HLA-DPB1: variants seen among roughly 807,000 people sequenced by gnomAD.
The protein encoded by HLA-DPB1 is HLA class II histocompatibility antigen, DP beta 1 chain.
Under a neutral mutation model 29.4 loss-of-function variants are expected in HLA-DPB1, and 30 were observed. The observed-to-expected ratio is 1.02, with a 90% CI of 0.76 to 1.38. HLA-DPB1 has a LOEUF of 1.38. Among genes scored for constraint, HLA-DPB1 ranks in the 40% most tolerant of loss-of-function variants. The pLI, the probability that HLA-DPB1 is intolerant of heterozygous loss-of-function variation, is 0.00. For synonymous variants in HLA-DPB1, 114 were observed against 134.0 expected, an observed-to-expected ratio of 0.85 and a Z score of 1.03; for missense variants, 261 against 327.5, an observed-to-expected ratio of 0.80 and a Z score of 1.57.
In HLA-DPB1 at chr6:33,085,159, C is replaced by T. The variant is rs778011110; in HGVS notation, c.574C>T (p.Pro192Ser). Residue 192 changes from proline to serine, a missense_variant, in exon 3 of 6, where the codon CCC becomes TCC. Physicochemically the swap from Pro to Ser is moderately conservative, Grantham distance 74. Transcript: ENST00000418931. Reference sequence around the variant, plus strand: ...GATCCTGGTGATGCTGGAAATGACCCCCCAGCAGGGAGATGTCTACACCTG... The same window carrying T: ...GATCCTGGTGATGCTGGAAATGACCTCCCAGCAGGGAGATGTCTACACCTG... ...FQILVMLEMT[P>S]QQGDVYTCQV... 1.2e-6 allele frequency: 2 copies of T among 1,613,398 alleles called. No individual in the cohort carries two copies. Among genetic ancestry groups the T allele is most frequent in the Non-Finnish European group, 1.7e-6 (2 of 1,179,568 alleles).
intron 1 of HLA-DPB1, among the ~76,000 whole-genome samples, 181 bp downstream of exon 1, chr6:33,076,322 C>T (rs1296863888): frequency 6.6e-6 from 1 of 152,222 alleles, no homozygotes; most frequent in African/African-American, 2.4e-5. Flanking sequence ...ACCCTACTGG[C>T]CTATTCTCTC....
At chr6:33,086,159 C>T in intron 4 of HLA-DPB1, 60 bp from the exon 5 acceptor site, 2 of 1,392,234 alleles carry the variant, frequency 1.4e-6, no homozygotes, top group Admixed American at 3.3e-5. Flanking sequence ...GGAAATGTTT[C>T]TCTAATTATC....
At chr6:33,077,587 A>T (rs908653077) in intron 1 of HLA-DPB1, among the ~76,000 whole-genome samples, 5 of 152,328 alleles carry the variant, frequency 3.3e-5, no homozygotes, top group Admixed American at 6.5e-5. Context: ...AGAAATAGGA[A>T]CACTTTTACT....
At position 33,080,685 on chromosome 6, in the gene HLA-DPB1, C is replaced by A. The variant is rs1762793706; in HGVS notation, c.114C>A (p.Phe38Leu). ...QGRATPENYL[F>L]QGRQECYAFN... ...CCCTCCCCGCAGAGAATTACCTTTT[C>A]CAGGGACGGCAGGAATGCTACGCGT... The change falls in exon 2 of 6, where the codon TTC becomes TTA. Residue 38 changes from phenylalanine (F) to leucine (L), a missense_variant. Coordinates refer to ENST00000418931, the MANE Select transcript of HLA-DPB1 (RefSeq NM_002121.6). The surrounding 1 kb of genome is among the most constrained non-coding windows in gnomAD (Gnocchi z 4.3). 1.9e-6 allele frequency: 3 copies of A among 1,612,510 alleles called. No homozygotes were observed. In the African/African-American group the frequency reaches 4.0e-5, roughly 22 times the overall value.
At chr6:33,083,027 G>A (rs1762943459) in intron 2 of HLA-DPB1, among the ~76,000 whole-genome samples, 1 of 152,210 alleles carries the variant, frequency 6.6e-6, no homozygotes, top group Non-Finnish European at 1.5e-5. Context: ...ATGGTTCCCA[G>A]AAGCTCTATG....
rs1276007057 is a variant in HLA-DPB1 at position 33,088,548 on chromosome 6, G to A, written c.*2014G>A. The stretch of plus-strand genomic sequence containing the variant: ...CATATGCAGGTGTTTATGAAACTCT[G>A]GGATTTCTAAGGAAGGATGCAGTGC... On this transcript the variant is annotated 3_prime_UTR_variant, in exon 6 of 6. Transcript: ENST00000418931. 6.6e-6 allele frequency among the ~76,000 whole-genome samples: 1 copy of A among 152,168 alleles called. No homozygotes were observed. The highest frequency in any genetic ancestry group is 1.9e-4 in the East Asian group (1 of 5,194).
rs1486565569 is a variant in HLA-DPB1 at position 33,080,741 on chromosome 6, AC to A, written c.171del (p.Tyr57Ter). 2.5e-6 allele frequency: 4 copies of A among 1,613,416 alleles called. No individual in the cohort carries two copies. The highest frequency in any genetic ancestry group is 3.4e-6 in the Non-Finnish European group (4 of 1,179,836). On this transcript the variant is annotated frameshift_variant, in exon 2 of 6. Transcript: ENST00000418931. LOFTEE classifies it high-confidence loss of function. This position sits in a 1 kb window ranked among gnomAD's most constrained non-coding sequence, Gnocchi z 4.3. ...GGGACACAGCGCTTCCTGGAGAGAT[AC>A]ATCTACAACCGGGAGGAGTTCGCGC... Reference protein sequence around the residue: ...FNGTQRFLERYIYNREEFARF... With the variant: ...FNGTQRFLERXIYNREEFARF...
rs138061591 is a variant in HLA-DPB1, at chr6:33,081,370, G to A, written c.364+435G>A. 1,019 of 180,700 alleles carry A rather than the reference G, an allele frequency of 5.6e-3. 3 individuals carry two copies. The highest frequency in any genetic ancestry group is 0.012 in the East Asian group (73 of 6,242). 11.2% of individuals were successfully genotyped at this position (180,700 alleles called of 1,614,324 possible). ...AGGTAGACAGAAGGGTCTGCAGCCG[G>A]GGAGGAGACTGAGATACATGAGACC... On this transcript the variant is annotated intron_variant, in intron 2 of 5. Transcript: ENST00000418931.
rs1763068751 is a variant in HLA-DPB1, at chr6:33,085,809, C to A, written c.677C>A (p.Thr226Lys). The A allele has an allele frequency of 1.2e-6, 2 of 1,614,070 alleles. No individual in the cohort carries two copies. Among genetic ancestry groups the A allele is most frequent in the East Asian group, 4.5e-5 (2 of 44,884 alleles). Reference sequence around the variant, plus strand: ...CAGTCTGATTCTGCCCGGAGTAAGACATTGACGGGAGCTGGGGGCTTCGTG... The same window carrying A: ...CAGTCTGATTCTGCCCGGAGTAAGAAATTGACGGGAGCTGGGGGCTTCGTG... ...KAQSDSARSK[T>K]LTGAGGFVLG... Residue 226 changes from threonine (T) to lysine (K), a missense_variant, in exon 4 of 6, where the codon ACA becomes AAA. Coordinates refer to ENST00000418931, the MANE Select transcript of HLA-DPB1 (RefSeq NM_002121.6).
Position 33,080,647 on chromosome 6 carries a change from G to A in HLA-DPB1, c.101-25G>A. The A allele has an allele frequency of 6.2e-7, 1 of 1,612,120 alleles. No homozygotes were observed. The highest frequency in any genetic ancestry group is 1.1e-5 in the South Asian group (1 of 91,054). On this transcript the variant is annotated intron_variant, in intron 1 of 5. Coordinates refer to ENST00000418931, the MANE Select transcript of HLA-DPB1 (RefSeq NM_002121.6). This position sits in a 1 kb window ranked among gnomAD's most constrained non-coding sequence, Gnocchi z 4.3. Reference sequence around the variant, plus strand: ...AGGATTAGATGAGAGTGGCGCCTCCGCTCATGTCCGCCCCCTCCCCGCAGA... The same window carrying A: ...AGGATTAGATGAGAGTGGCGCCTCCACTCATGTCCGCCCCCTCCCCGCAGA...
At chr6:33,081,015 C>A in intron 2 of HLA-DPB1, 80 bp downstream of exon 2, 3 of 1,426,206 alleles carry the variant, frequency 2.1e-6, no homozygotes, top group Non-Finnish European at 2.8e-6. Context: ...CCGGGTTGGC[C>A]TAAGGGACCT....
intron 1 of HLA-DPB1, among the ~76,000 whole-genome samples, chr6:33,078,047 G>A (rs1378605248): frequency 6.6e-6 from 1 of 152,060 alleles, no homozygotes; most frequent in Non-Finnish European, 1.5e-5. Context: ...TCAGGAGGAA[G>A]TGACGGATGC....
intron 1 of HLA-DPB1, chr6:33,079,908 C>A: frequency 4.0e-6 from 1 of 253,048 alleles, no homozygotes; most frequent in African/African-American, 2.3e-5. Flanking sequence ...TAAAAACTGC[C>A]AAAAAAAATT....
At chr6:33,079,747 G>A in intron 1 of HLA-DPB1, 2 of 501,882 alleles carry the variant, frequency 4.0e-6, no homozygotes, top group South Asian at 1.4e-5. Flanking sequence ...ACTGTGCTGA[G>A]ATCGCTCACA....
intron 2 of HLA-DPB1, among the ~76,000 whole-genome samples, chr6:33,082,965 G>A (rs3128961): frequency 0.38 from 57,121 of 152,088 alleles, 12,189 homozygotes; most frequent in East Asian, 0.63. Context: ...GATGCCTCTC[G>A]TGGAATGTTC....
rs1762811572 is a variant in HLA-DPB1 at position 33,080,814 on chromosome 6, G to A, written c.243G>A (p.Gly81=). ...AGTTCCGGGCGGTGACGGAGCTGGG[G>A]CGGCCTGCTGCGGAGTACTGGAACA... ...VGEFRAVTEL[G]RPAAEYWNSQ... Residue 81 remains glycine, a synonymous_variant, in exon 2 of 6, where the codon GGG becomes GGA. Coordinates refer to ENST00000418931, the MANE Select transcript of HLA-DPB1 (RefSeq NM_002121.6). The surrounding 1 kb of genome is among the most constrained non-coding windows in gnomAD (Gnocchi z 4.3). 1.9e-6 allele frequency: 3 copies of A among 1,613,568 alleles called. No homozygotes were observed. Among genetic ancestry groups the A allele is most frequent in the Non-Finnish European group, 2.5e-6 (3 of 1,179,798 alleles).
At position 33,076,032 on chromosome 6, in the gene HLA-DPB1, T is replaced by C; in HGVS notation, c.-10T>C. ...CAGCTCTTTTCATTTTGCCATCCTT[T>C]TCCAGCTCCATGATGGTTCTGCAGG... On this transcript the variant is annotated 5_prime_UTR_variant, in exon 1 of 6. Transcript: ENST00000418931. 2.5e-6 allele frequency: 4 copies of C among 1,607,792 alleles called. No homozygotes were observed. Among genetic ancestry groups the C allele is most frequent in the Non-Finnish European group, 3.4e-6 (4 of 1,176,678 alleles).
In HLA-DPB1 at chr6:33,080,391, G is replaced by A. The variant is rs754909567; in HGVS notation, c.101-281G>A. On this transcript the variant is annotated intron_variant, in intron 1 of 5. Transcript: ENST00000418931. The surrounding 1 kb of genome is among the most constrained non-coding windows in gnomAD (Gnocchi z 4.3). ...CCGCCTCCTCCAGCCACCAGCAGAA[G>A]GGACTGCCTTCCCCTCAGTGCTCGC... 1 of 642,014 alleles carries A rather than the reference G, an allele frequency of 1.6e-6. No homozygotes were observed. The highest frequency in any genetic ancestry group is 3.3e-5 in the East Asian group (1 of 30,134). 39.8% of individuals were successfully genotyped at this position (642,014 alleles called of 1,614,324 possible).
intron 2 of HLA-DPB1, among the ~76,000 whole-genome samples, chr6:33,082,651 A>G (rs994841105): frequency 6.6e-6 from 1 of 152,156 alleles, no homozygotes; most frequent in Non-Finnish European, 1.5e-5. Context: ...TTGTCAGGGA[A>G]ATTGCAATCA....
Sources: allele counts gnomAD v4.1 joint callset (sites outside exome capture counted in the v4.1 genomes callset), GRCh38; gene constraint gnomAD v4.1.1; non-coding constraint Gnocchi (gnomAD v3.1); transcripts MANE v1.5; gene names NCBI Gene and HGNC (gene_info 2026-07-23, HGNC 2026-07-21).